The following DDHD2 variants were observed in gnomAD, a reference collection of about 807,000 sequenced individuals.
DDHD2 encodes the protein triacylglycerol hydrolase DDHD2.
DDHD2 carries 62 observed loss-of-function variants against 91.2 expected under a neutral mutation model. That is an observed-to-expected ratio of 0.68 (90% CI 0.55 to 0.84). The LOEUF is 0.84. Among genes scored for constraint, DDHD2 ranks in the 40% least tolerant of loss-of-function variants. The probability of loss-of-function intolerance (pLI) is 0.00; values close to 1 mark genes in which losing one functional copy is unlikely to be tolerated. For synonymous variants in DDHD2, 271 were observed against 293.9 expected (o/e 0.92, Z 0.80); for missense variants, 740 against 846.9 (o/e 0.87, Z 1.57).
intron 13 of DDHD2, 104 bp downstream of exon 13, chr8:38,252,391 C>T: frequency 7.7e-7 from 1 of 1,292,906 alleles, no homozygotes. Flanking sequence ...ATTCCATTGT[C>T]TAGCAATGAG....
chr8:38,267,079 T>C, downstream of DDHD2: 1 of 1,442,042 alleles, frequency 6.9e-7, no homozygotes, highest in African/African-American at 1.4e-5. Flanking sequence ...AAACTACCTT[T>C]CTGTTCTGTA....
chr8:38,231,795 G>A lies in DDHD2; in HGVS notation c.-73G>A, dbSNP rs1310686921. 6.6e-6 allele frequency: 1 copy of A among 152,250 alleles called. No individual in the cohort carries two copies. The highest frequency in any genetic ancestry group is 1.5e-5 in the Non-Finnish European group (1 of 68,088). 9.4% of individuals were successfully genotyped at this position (152,250 alleles called of 1,614,324 possible). On this transcript the variant is annotated 5_prime_UTR_variant, in exon 1 of 18. Transcript: ENST00000397166. The stretch of plus-strand genomic sequence containing the variant: ...CCGCCCGGGCTGGGGTAAAGGCCGC[G>A]GCCGGGCCATGCAGTGTCCTCCTCA...
In DDHD2 at chr8:38,260,055, A is replaced by C; in HGVS notation, c.2070A>C (p.Thr690=). 1 of 1,612,354 alleles carries C rather than the reference A, an allele frequency of 6.2e-7. No homozygotes were observed. The highest frequency in any genetic ancestry group is 8.5e-7 in the Non-Finnish European group (1 of 1,178,444). ...SHLCYWESED[T]VLLVLKEIYQ... ...CTCTTTATAGGGAGTCTGAAGATACAGTATTGCTCGTCCTCAAAGAGATCT... is the reference window on the plus strand; with the variant it reads ...CTCTTTATAGGGAGTCTGAAGATACCGTATTGCTCGTCCTCAAAGAGATCT... Residue 690 remains threonine, a synonymous_variant, in exon 17 of 18, where the codon ACA becomes ACC. Transcript: ENST00000397166.
At chr8:38,237,400 A>G in intron 3 of DDHD2, 138 bp from the exon 4 acceptor site, 1 of 523,526 alleles carries the variant, frequency 1.9e-6, no homozygotes, top group Non-Finnish European at 3.4e-6. Context: ...ACAACAACAA[A>G]AAGATTTAAA....
chr8:38,233,263 A>G, intron 2 of DDHD2, 49 bp downstream of exon 2: 1 of 1,451,874 alleles, frequency 6.9e-7, no homozygotes, highest in East Asian at 2.3e-5. Flanking sequence ...CCCCTCTTCA[A>G]ACTATAATAT....
At chr8:38,252,653 A>G (rs1367322491) in intron 13 of DDHD2, 69 bp from the exon 14 acceptor site, 1 of 1,210,810 alleles carries the variant, frequency 8.3e-7, no homozygotes, top group African/African-American at 1.5e-5. Context: ...AAAAAAAAAA[A>G]AAAAAAGTTA....
In DDHD2 at chr8:38,268,951, C is replaced by G. The variant is rs772735753; in HGVS notation, n.88-2171C>G. Reference sequence around the variant, plus strand: ...TCCGGTAGAGCCACATCTCCTCCGGCTGGATGAGTCTCTGGAACGGGGGGA... The same window carrying G: ...TCCGGTAGAGCCACATCTCCTCCGGGTGGATGAGTCTCTGGAACGGGGGGA... On this transcript the variant is annotated intron_variant and non_coding_transcript_variant, in intron 1 of 1. Transcript: ENST00000526071. The G allele has an allele frequency of 3.4e-5, 53 of 1,565,802 alleles. 2 individuals are homozygous for G. The South Asian group carries it at 5.9e-4, about 17-fold the overall frequency.
downstream of DDHD2, chr8:38,264,913 T>G: frequency 6.2e-7 from 1 of 1,613,012 alleles, no homozygotes; most frequent in South Asian, 1.1e-5. Context: ...GTCCACTTAT[T>G]GCTATTCATC....
intron 16 of DDHD2, among the ~76,000 whole-genome samples, chr8:38,257,065 A>G (rs1235684031): frequency 6.6e-6 from 1 of 151,784 alleles, no homozygotes; most frequent in Admixed American, 6.6e-5. Flanking sequence ...GGGAGTAGCT[A>G]GGACCACAGG....
chr8:38,242,409 A>C, intron 7 of DDHD2, 24 bp downstream of exon 7: 1 of 1,604,126 alleles, frequency 6.2e-7, no homozygotes, highest in Non-Finnish European at 8.5e-7. Flanking sequence ...AATACCTTCG[A>C]GTTGTTAGCT....
chr8:38,236,126 T>C (rs866450413), intron 3 of DDHD2, among the ~76,000 whole-genome samples: 149 of 147,996 alleles, frequency 1.0e-3, no homozygotes, highest in African/African-American at 2.5e-3. Context: ...CATTCTCCTG[T>C]CTCAGCCTCC....
downstream of DDHD2, chr8:38,272,652 T>G (rs572818243): frequency 3.4e-4 from 52 of 152,356 alleles, 1 homozygote; most frequent in African/African-American, 1.2e-3. Flanking sequence ...CTTCAACAAA[T>G]TAACATGTGG....
At chr8:38,234,270 TTAGTC>T (rs1274721743) in intron 2 of DDHD2, 119 bp from the exon 3 acceptor site, 2 of 618,080 alleles carry the variant, frequency 3.2e-6, no homozygotes, top group Admixed American at 7.3e-5. Flanking sequence ...TGTTTGGTGT[TTAGTC>T]AAGTAGGAAC....
chr8:38,259,779 C>T (rs754790540), intron 16 of DDHD2, among the ~76,000 whole-genome samples: 8 of 152,200 alleles, frequency 5.3e-5, no homozygotes, highest in African/African-American at 1.2e-4. Flanking sequence ...CTCAGCCTCC[C>T]AGAGTGTTAG....
chr8:38,271,598 A>G (rs557096277), downstream of DDHD2: 1 of 152,336 alleles, frequency 6.6e-6, no homozygotes, highest in Non-Finnish European at 1.5e-5. Context: ...TTTACAAATA[A>G]CCAGAGACCA....
intron 2 of DDHD2, among the ~76,000 whole-genome samples, chr8:38,234,078 T>A: frequency 6.6e-6 from 1 of 152,190 alleles, no homozygotes; most frequent in East Asian, 1.9e-4. Context: ...TTAATTTACC[T>A]TATGGTTCCT....
chr8:38,260,172 T>A (rs746400627), intron 17 of DDHD2, 25 bp downstream of exon 17: 47 of 1,249,942 alleles, frequency 3.8e-5, no homozygotes, highest in Non-Finnish European at 4.3e-5. Context: ...GTCATATATA[T>A]AGTGTAATTC....
At chr8:38,234,732 A>G in intron 3 of DDHD2, 148 bp downstream of exon 3, 1 of 642,020 alleles carries the variant, frequency 1.6e-6, no homozygotes. Flanking sequence ...ATTTCTATTT[A>G]CAAGCAAGTT....
rs1402452014 is a variant in DDHD2, at chr8:38,234,425, T to C, written c.252T>C (p.Thr84=). Residue 84 remains threonine (T), a synonymous_variant, in exon 3 of 18, where the codon ACT becomes ACC. Coordinates refer to ENST00000397166, the MANE Select transcript of DDHD2 (RefSeq NM_015214.3). ...GTTGTAATGGGAGAGTTGTTCCTAC[T>C]GATGGGGGCAGATATGATGTTCATT... ...GKGCNGRVVP[T]DGGRYDVHLG... is the part of the protein sequence containing the mutation. The C allele has an allele frequency of 1.9e-6, 3 of 1,600,160 alleles. No homozygotes were observed. Among genetic ancestry groups the C allele is most frequent in the Non-Finnish European group, 2.5e-6 (3 of 1,176,740 alleles).
Sources: allele counts gnomAD v4.1 joint callset (sites outside exome capture counted in the v4.1 genomes callset), GRCh38; gene constraint gnomAD v4.1.1; transcripts MANE v1.5; gene names NCBI Gene and HGNC (gene_info 2026-07-23, HGNC 2026-07-21).